The following UNC13C variants were observed in gnomAD, a reference collection of about 807,000 sequenced individuals.
The protein encoded by UNC13C is unc-13 homolog C.
UNC13C carries 174 observed loss-of-function variants against 245.4 expected under a neutral mutation model. The observed-to-expected ratio is 0.71, with a 90% CI of 0.63 to 0.80. UNC13C has a LOEUF of 0.80. UNC13C is among the 30% of genes least tolerant of loss of function. The probability of loss-of-function intolerance (pLI) is 0.00; values close to 1 mark genes in which losing one functional copy is unlikely to be tolerated. For synonymous variants in UNC13C, 992 were observed against 895.1 expected (o/e 1.11, Z -1.93); for missense variants, 2,829 against 2,602.9 (o/e 1.09, Z -1.89).
At chr15:54,570,700 A>T (rs1167991007) in intron 30 of UNC13C, among the ~76,000 whole-genome samples, 2 of 152,224 alleles carry the variant, frequency 1.3e-5, no homozygotes, top group East Asian at 3.8e-4. Flanking sequence ...GTGATGGGCA[A>T]GAGAGATCGA....
chr15:54,250,095 G>C, intron 7 of UNC13C, 130 bp from the exon 8 acceptor site: 1 of 813,054 alleles, frequency 1.2e-6, no homozygotes, highest in Non-Finnish European at 2.0e-6. Context: ...ATCATGACTT[G>C]AATCAGTGAT....
chr15:54,589,479 A>G (rs1351024930), intron 30 of UNC13C, among the ~76,000 whole-genome samples: 1 of 150,742 alleles, frequency 6.6e-6, no homozygotes, highest in Non-Finnish European at 1.5e-5. Flanking sequence ...TTGTATTTTT[A>G]GTAGAGACAG....
intron 24 of UNC13C, among the ~76,000 whole-genome samples, chr15:54,520,974 T>C (rs1036889427): frequency 6.6e-6 from 1 of 152,190 alleles, no homozygotes; most frequent in African/African-American, 2.4e-5. Flanking sequence ...TTGTCTGTTG[T>C]TTATTTTAAC....
intron 8 of UNC13C, among the ~76,000 whole-genome samples, chr15:54,262,689 T>G (rs1438818782): frequency 6.6e-6 from 1 of 152,186 alleles, no homozygotes; most frequent in Non-Finnish European, 1.5e-5. Flanking sequence ...TGTCTTCCTT[T>G]TTTTTAAATG....
intron 4 of UNC13C, among the ~76,000 whole-genome samples, chr15:54,184,318 G>A (rs1028544958): frequency 8.6e-5 from 13 of 151,644 alleles, no homozygotes; most frequent in South Asian, 2.1e-4. Context: ...CACAACGTGC[G>A]GGTTTTGTTA....
At chr15:53,881,154 A>T in the UNC13C span, among the ~76,000 whole-genome samples, 1 of 151,986 alleles carries the variant, frequency 6.6e-6, no homozygotes, top group Admixed American at 6.6e-5. Flanking sequence ...GTGTGTGTAC[A>T]TGTAAATTTA....
chr15:54,498,289 C>T (rs1228659208), intron 20 of UNC13C, among the ~76,000 whole-genome samples: 1 of 151,902 alleles, frequency 6.6e-6, no homozygotes. Context: ...CCTCCTGAGC[C>T]ATAAAACAAA....
chr15:54,444,276 T>C (rs1375762634), intron 19 of UNC13C, among the ~76,000 whole-genome samples: 2 of 151,250 alleles, frequency 1.3e-5, no homozygotes, highest in East Asian at 3.9e-4. Flanking sequence ...TTACTTTTGA[T>C]AAATGTATAT....
At chr15:54,529,612 C>A (rs1031544768) in intron 25 of UNC13C, among the ~76,000 whole-genome samples, 1 of 152,132 alleles carries the variant, frequency 6.6e-6, no homozygotes, top group African/African-American at 2.4e-5. Context: ...AATGTGTATA[C>A]TTTATTTAAT....
chr15:54,565,835 G>A (rs1035272519), intron 29 of UNC13C, among the ~76,000 whole-genome samples: 5 of 151,886 alleles, frequency 3.3e-5, no homozygotes, highest in Admixed American at 2.0e-4. Flanking sequence ...TGAAAATAAC[G>A]CAAATGTGTA....
chr15:53,881,166 A>G, the UNC13C span, among the ~76,000 whole-genome samples: 1 of 152,078 alleles, frequency 6.6e-6, no homozygotes, highest in African/African-American at 2.4e-5. Flanking sequence ...GTAAATTTAA[A>G]TCTAATTGGT....
At chr15:53,959,227 T>C in the UNC13C span, among the ~76,000 whole-genome samples, 56,271 of 152,034 alleles carry the variant, frequency 0.37, 11,579 homozygotes, top group Middle Eastern at 0.51. Flanking sequence ...ATTTTGGCTA[T>C]TGTAAATAGT....
intron 17 of UNC13C, among the ~76,000 whole-genome samples, chr15:54,373,412 C>A (rs938158006): frequency 6.6e-6 from 1 of 152,100 alleles, no homozygotes; most frequent in Non-Finnish European, 1.5e-5. Flanking sequence ...CAAGGGTGAA[C>A]CAGGCATGAA....
intron 4 of UNC13C, among the ~76,000 whole-genome samples, chr15:54,150,938 C>T (rs1159500762): frequency 6.6e-6 from 1 of 152,068 alleles, no homozygotes; most frequent in African/African-American, 2.4e-5. Flanking sequence ...GCAAAATAAT[C>T]ATAAAACTGA....
chr15:54,559,008 G>T (rs913580596), intron 29 of UNC13C, among the ~76,000 whole-genome samples: 10 of 151,942 alleles, frequency 6.6e-5, no homozygotes, highest in African/African-American at 2.4e-4. Context: ...AATGCTGAAT[G>T]ATTTAATTTT....
intron 7 of UNC13C, among the ~76,000 whole-genome samples, chr15:54,244,698 G>C (rs1241542006): frequency 6.6e-6 from 1 of 152,072 alleles, no homozygotes; most frequent in Non-Finnish European, 1.5e-5. Flanking sequence ...TCTTTTGTTA[G>C]TTGTATCGCT....
At chr15:54,310,563 AG>A in intron 13 of UNC13C, among the ~76,000 whole-genome samples, 1 of 151,910 alleles carries the variant, frequency 6.6e-6, no homozygotes, top group Admixed American at 6.6e-5. Flanking sequence ...AGAGCATGTA[AG>A]GGTTAGATCT....
intron 2 of UNC13C, among the ~76,000 whole-genome samples, chr15:54,045,259 T>G (rs1305523892): frequency 6.6e-6 from 1 of 152,222 alleles, no homozygotes; most frequent in Admixed American, 6.5e-5. Context: ...TTTAGTTTCA[T>G]TCTTTTTTAT....
intron 19 of UNC13C, among the ~76,000 whole-genome samples, chr15:54,479,117 AATATAT>A (rs1474310510): frequency 1.3e-5 from 2 of 152,010 alleles, no homozygotes; most frequent in African/African-American, 4.8e-5. Context: ...TAAATCCTTG[AATATAT>A]ATGCTGTCCA....
Sources: allele counts gnomAD v4.1 joint callset (sites outside exome capture counted in the v4.1 genomes callset), GRCh38; gene constraint gnomAD v4.1.1; transcripts MANE v1.5; gene names NCBI Gene and HGNC (gene_info 2026-07-23, HGNC 2026-07-21).